The following FEZ1 variants were observed in gnomAD, a reference collection of about 807,000 sequenced individuals.
FEZ1 encodes fasciculation and elongation protein zeta 1, also known as fasciculation and elongation protein zeta-1.
In FEZ1, 20 loss-of-function variants were observed where a neutral mutation model predicts 49.3. That is an observed-to-expected ratio of 0.41 (90% CI 0.29 to 0.59). The LOEUF is 0.59. Among genes scored for constraint, FEZ1 ranks in the 20% least tolerant of loss-of-function variants. The pLI, the probability that FEZ1 is intolerant of heterozygous loss-of-function variation, is 0.36. For synonymous variants in FEZ1, 170 were observed against 180.9 expected (o/e 0.94, Z 0.48); for missense variants, 413 against 476.0 (o/e 0.87, Z 1.23).
chr11:125,473,458 A>G (rs1460221174), intron 3 of FEZ1, among the ~76,000 whole-genome samples: 1 of 152,160 alleles, frequency 6.6e-6, no homozygotes, highest in South Asian at 2.1e-4. Context: ...CCAACCTGGG[A>G]AACAGCAACC....
intron 9 of FEZ1, among the ~76,000 whole-genome samples, chr11:125,448,297 G>T (rs1446258468): frequency 6.6e-6 from 1 of 152,194 alleles, no homozygotes; most frequent in African/African-American, 2.4e-5. Context: ...AGTCACTGGT[G>T]ACTCGGGGGT....
chr11:125,448,967 G>A (rs1465310655), intron 8 of FEZ1, among the ~76,000 whole-genome samples: 1 of 152,112 alleles, frequency 6.6e-6, no homozygotes, highest in African/African-American at 2.4e-5. Flanking sequence ...TAACAAACCT[G>A]CACATGGTGA....
At chr11:125,460,020 T>A (rs1849099030) in intron 5 of FEZ1, among the ~76,000 whole-genome samples, 1 of 151,866 alleles carries the variant, frequency 6.6e-6, no homozygotes, top group Non-Finnish European at 1.5e-5. Context: ...CACTTCAACC[T>A]GGGAGGTGGA....
chr11:125,486,762 A>G (rs1353653648), intron 2 of FEZ1, among the ~76,000 whole-genome samples: 3 of 152,262 alleles, frequency 2.0e-5, no homozygotes, highest in Non-Finnish European at 2.9e-5. Context: ...TAACAATAAC[A>G]TTAGAGCTAT....
In FEZ1 at chr11:125,455,987, C is replaced by A; in HGVS notation, c.787G>T (p.Glu263Ter). 6.2e-7 allele frequency: 1 copy of A among 1,613,728 alleles called. No individual in the cohort carries two copies. The change falls in exon 6 of 10, where the codon GAG (glutamate) becomes TAG (stop). Residue 263 changes from glutamate to a stop codon, truncating the protein, a stop_gained. Coordinates refer to ENST00000278919, the MANE Select transcript of FEZ1 (RefSeq NM_005103.5). LOFTEE classifies it high-confidence loss of function. The part of the protein sequence containing the change: ...QLARRDELEF[E>*]KEVKNSFITV... ...ATAAAGGAGTTCTTCACTTCCTTCT[C>A]AAACTCCAGCTCGTCCCGGCGGGCC...
intron 3 of FEZ1, among the ~76,000 whole-genome samples, chr11:125,468,712 C>G (rs977169244): frequency 8.5e-5 from 13 of 152,086 alleles, no homozygotes; most frequent in African/African-American, 3.1e-4. Flanking sequence ...GCAGGCTCAG[C>G]AGGGTTAAAC....
intron 2 of FEZ1, among the ~76,000 whole-genome samples, chr11:125,485,366 G>A (rs987931747): frequency 2.6e-5 from 4 of 152,046 alleles, no homozygotes; most frequent in African/African-American, 9.7e-5. Context: ...GAGACTGGGG[G>A]GTGCCAGGAC....
intron 2 of FEZ1, among the ~76,000 whole-genome samples, chr11:125,485,136 T>C (rs1957315555): frequency 6.6e-6 from 1 of 152,216 alleles, no homozygotes. Flanking sequence ...GAACTAAGAT[T>C]AAACAGGTTG....
intron 1 of FEZ1, among the ~76,000 whole-genome samples, chr11:125,490,710 TAAA>T (rs544139616): frequency 7.9e-5 from 12 of 151,630 alleles, no homozygotes; most frequent in African/African-American, 2.7e-4. Context: ...TTTATTTTTT[TAAA>T]AAAACTAATA....
intron 5 of FEZ1, among the ~76,000 whole-genome samples, chr11:125,457,403 T>TTAAAA (rs1370067173): frequency 2.8e-5 from 1 of 35,122 alleles, no homozygotes; most frequent in African/African-American, 9.9e-5. Context: ...GTTTCTACTT[T>TTAAAA]AAAAAAAAAA....
chr11:125,458,337 G>A (rs945036135), intron 5 of FEZ1, among the ~76,000 whole-genome samples: 2 of 152,202 alleles, frequency 1.3e-5, no homozygotes, highest in African/African-American at 4.8e-5. Context: ...CCTACGGCTG[G>A]TGAATTGTTC....
chr11:125,489,896 A>G lies in FEZ1; in HGVS notation c.-45-74T>C. ...ATAATAGAGTTAACTTTAGAGACAC[A>G]CCTGCTTCCAATTCCCTACTCCAAA... On this transcript the variant is annotated intron_variant, in intron 1 of 9. Coordinates refer to ENST00000278919, the MANE Select transcript of FEZ1 (RefSeq NM_005103.5). The surrounding 1 kb of genome is among the most constrained non-coding windows in gnomAD (Gnocchi z 4.2). The G allele has an allele frequency of 7.8e-7, 1 of 1,283,778 alleles. No homozygotes were observed. Among genetic ancestry groups the G allele is most frequent in the South Asian group, 2.3e-5 (1 of 42,904 alleles). The allele number at this position is 1,283,778 out of a possible 1,614,324, so 79.5% of individuals were successfully genotyped here.
intron 2 of FEZ1, among the ~76,000 whole-genome samples, chr11:125,484,461 T>C (rs896497557): frequency 6.6e-6 from 1 of 152,168 alleles, no homozygotes; most frequent in Non-Finnish European, 1.5e-5. Context: ...CAGAATAACA[T>C]ACCAAGTTCC....
chr11:125,457,485 T>C (rs370086545), intron 5 of FEZ1, among the ~76,000 whole-genome samples: 7 of 42,372 alleles, frequency 1.7e-4, no homozygotes, highest in African/African-American at 4.5e-4. Context: ...TATATACACA[T>C]ATATGTGTAT....
chr11:125,445,172 C>T lies in FEZ1; in HGVS notation c.*923G>A, dbSNP rs904035757. ...CAGAGCTGCTGTTCATGGAGGGCCG[C>T]GGGAAGGGCCAGGACAGCACTGCAA... On this transcript the variant is annotated 3_prime_UTR_variant, in exon 10 of 10. Transcript: ENST00000278919. The surrounding 1 kb of genome is among the most constrained non-coding windows in gnomAD (Gnocchi z 4.4). Among the ~76,000 whole-genome samples the T allele has an allele frequency of 6.6e-6, 1 of 152,166 alleles. No homozygotes were observed. Among genetic ancestry groups the T allele is most frequent in the Non-Finnish European group, 1.5e-5 (1 of 68,034 alleles).
chr11:125,477,294 A>G (rs1011087540), intron 3 of FEZ1, among the ~76,000 whole-genome samples: 2 of 151,520 alleles, frequency 1.3e-5, no homozygotes, highest in African/African-American at 4.9e-5. Flanking sequence ...CAGAAGTTCA[A>G]GACTAGCCTG....
Position 125,495,223 on chromosome 11 carries a change from G to T in FEZ1, c.-46+898C>A, listed in dbSNP as rs896805269. 17 of 378,656 alleles carry T rather than the reference G, an allele frequency of 4.5e-5. No individual in the cohort carries two copies. The highest frequency in any genetic ancestry group is 9.4e-5 in the Non-Finnish European group (17 of 180,404). 23.5% of individuals were successfully genotyped at this position (378,656 alleles called of 1,614,324 possible). On this transcript the variant is annotated intron_variant, in intron 1 of 9. Coordinates refer to ENST00000278919, the MANE Select transcript of FEZ1 (RefSeq NM_005103.5). The surrounding 1 kb of genome is among the most constrained non-coding windows in gnomAD (Gnocchi z 4.2). ...AAAGCCTCCTCCAGGCAGCACAATG[G>T]CTGGCACTCTGAGGAAGCCGGACTC...
In FEZ1 at chr11:125,445,494, C is replaced by T. The variant is rs2135731228; in HGVS notation, c.*601G>A. 6.6e-6 allele frequency among the ~76,000 whole-genome samples: 1 copy of T among 152,338 alleles called. No homozygotes were observed. Among genetic ancestry groups the T allele is most frequent in the Middle Eastern group, 3.4e-3 (1 of 294 alleles). On this transcript the variant is annotated 3_prime_UTR_variant, in exon 10 of 10. Transcript: ENST00000278919. This position sits in a 1 kb window ranked among gnomAD's most constrained non-coding sequence, Gnocchi z 4.4. ...ACTCTGACCAGCTCCTTTCTGCAGC[C>T]CCTGGTGCAGCTCCCTTGCATGTGG... is the stretch of plus-strand genomic sequence containing the variant.
chr11:125,447,344 A>G (rs1956907717), intron 9 of FEZ1, among the ~76,000 whole-genome samples: 1 of 152,246 alleles, frequency 6.6e-6, no homozygotes, highest in Non-Finnish European at 1.5e-5. Context: ...TAGTTTCTCC[A>G]ACAAATGCAT....
Sources: gnomAD v4.1 joint callset for allele counts (sites outside exome capture counted in the v4.1 genomes callset) on GRCh38, gnomAD v4.1.1 for gene constraint, Gnocchi (gnomAD v3.1) non-coding constraint, MANE v1.5 for transcripts, NCBI Gene and HGNC (gene_info 2026-07-23, HGNC 2026-07-21) for gene names.